The following RIMS2 variants were observed in gnomAD, a reference collection of about 807,000 sequenced individuals.
RIMS2 encodes regulating synaptic membrane exocytosis 2, also known as regulating synaptic membrane exocytosis protein 2.
RIMS2 carries 59 observed loss-of-function variants against 174.4 expected under a neutral mutation model. That is an observed-to-expected ratio of 0.34 (90% confidence interval 0.27 to 0.42). RIMS2 has a LOEUF of 0.42. Ranked by LOEUF, RIMS2 falls within the 10% of genes least tolerant of loss-of-function variation. RIMS2 has a pLI of 1.00. For synonymous variants in RIMS2, 606 were observed against 572.5 expected (o/e 1.06, Z -0.84); for missense variants, 1,620 against 1,666.3 (o/e 0.97, Z 0.48).
chr8:104,150,763 A>G (rs1039262575), intron 19 of RIMS2, among the ~76,000 whole-genome samples: 1 of 152,244 alleles, frequency 6.6e-6, no homozygotes. Flanking sequence ...ATCTCAGATC[A>G]TAATTATAGA....
intron 19 of RIMS2, among the ~76,000 whole-genome samples, chr8:104,079,435 G>C (rs990940283): frequency 4.0e-5 from 6 of 151,436 alleles, no homozygotes; most frequent in African/African-American, 1.5e-4. Context: ...CTTGTTAACA[G>C]CTAGAATATT....
chr8:103,639,268 A>C (rs1306567017), intron 1 of RIMS2, among the ~76,000 whole-genome samples: 1 of 151,920 alleles, frequency 6.6e-6, no homozygotes, highest in East Asian at 1.9e-4. Flanking sequence ...TTTTAAATAC[A>C]ATTTGATCAA....
Position 104,145,671 on chromosome 8 carries a change from C to CAATAAATAAATAAATAAATA in RIMS2, c.3335-99221_3335-99202dup, listed in dbSNP as rs61691382. The stretch of plus-strand genomic sequence containing the variant: ...AGAAACCCCGTCTCTACTAAAAATA[C>CAATAAATAAATAAATAAATA]AATAAATAAATAAATAAATAAATAA... On this transcript the variant is annotated intron_variant, in intron 19 of 23. Transcript: ENST00000504942. Among the ~76,000 whole-genome samples, 602 of 132,684 alleles carry CAATAAATAAATAAATAAATA rather than the reference C, an allele frequency of 4.5e-3. 2 individuals carry two copies. The highest frequency in any genetic ancestry group is 8.2e-3 in the African/African-American group (283 of 34,442). The allele number at this position is 132,684 out of a possible 152,430, so 87.0% of individuals were successfully genotyped here. A position where few individuals can be genotyped will look rare whatever the true frequency, so the allele number is the denominator to read the frequency against.
At chr8:104,106,446 A>G (rs985544605) in intron 19 of RIMS2, among the ~76,000 whole-genome samples, 3 of 145,486 alleles carry the variant, frequency 2.1e-5, no homozygotes, top group African/African-American at 7.9e-5. Context: ...GTTCATTATC[A>G]TTGATTAATA....
intron 19 of RIMS2, among the ~76,000 whole-genome samples, chr8:104,084,452 A>C (rs904006893): frequency 6.6e-6 from 1 of 151,420 alleles, no homozygotes; most frequent in Admixed American, 6.6e-5. Context: ...AAAAAAAAAA[A>C]AAAACTAAAG....
At chr8:103,900,415 G>T (rs750753284) in intron 4 of RIMS2, among the ~76,000 whole-genome samples, 1 of 148,632 alleles carries the variant, frequency 6.7e-6, no homozygotes, top group Non-Finnish European at 1.5e-5. Flanking sequence ...GTAAAGACAG[G>T]ATTTCACTGT....
chr8:104,135,219 G>A (rs538659131), intron 19 of RIMS2, among the ~76,000 whole-genome samples: 6 of 152,226 alleles, frequency 3.9e-5, no homozygotes, highest in African/African-American at 1.4e-4. Context: ...TTGTATGAGT[G>A]GGGAGAACAT....
At chr8:103,583,985 G>C (rs980869369) in intron 1 of RIMS2, among the ~76,000 whole-genome samples, 1 of 152,122 alleles carries the variant, frequency 6.6e-6, no homozygotes, top group Non-Finnish European at 1.5e-5. Context: ...AACTAAAGCA[G>C]TACTCCCTTT....
chr8:103,763,912 C>T (rs1591892136), intron 2 of RIMS2, among the ~76,000 whole-genome samples: 1 of 152,218 alleles, frequency 6.6e-6, no homozygotes, highest in Admixed American at 6.5e-5. Flanking sequence ...TACTTGTAAC[C>T]CATTTAACAT....
At chr8:104,251,903 T>C (rs995561884), downstream of RIMS2, 36 of 798,640 alleles carry the variant, frequency 4.5e-5, no homozygotes, top group Non-Finnish European at 7.4e-5. Flanking sequence ...CTGGTAACAC[T>C]GCATGCTTAA....
At chr8:103,721,790 A>G (rs2097452373) in intron 2 of RIMS2, among the ~76,000 whole-genome samples, 1 of 152,212 alleles carries the variant, frequency 6.6e-6, no homozygotes, top group Non-Finnish European at 1.5e-5. Context: ...ACCATCAGTG[A>G]GAGTTTATGA....
At position 103,737,453 on chromosome 8, in the gene RIMS2, C is replaced by T. The variant is rs535549001; in HGVS notation, c.388-28774C>T. On this transcript the variant is annotated intron_variant, in intron 2 of 23. Coordinates refer to ENST00000504942, the Ensembl canonical transcript of RIMS2. ...CCTCCCGCCTCAGCCTCACAAAATG[C>T]TGGGATTATAGGAGTGAACCACTGT... is the stretch of plus-strand genomic sequence containing the variant. Among the ~76,000 whole-genome samples, 7 of 152,182 alleles carry T rather than the reference C, an allele frequency of 4.6e-5. No individual in the cohort carries two copies. The East Asian group carries it at 1.3e-3, about 29-fold the overall frequency.
At chr8:104,249,442 G>A (rs2099351801) in intron 21 of RIMS2, 45 bp from the exon 28 acceptor site, 2 of 999,954 alleles carry the variant, frequency 2.0e-6, no homozygotes, top group Non-Finnish European at 1.6e-6. Flanking sequence ...TTTCCTTAGT[G>A]CATTTGTATA....
chr8:103,988,740 A>G (rs1196996885), intron 16 of RIMS2, among the ~76,000 whole-genome samples: 2 of 152,132 alleles, frequency 1.3e-5, no homozygotes, highest in African/African-American at 4.8e-5. Flanking sequence ...AATTACAAGC[A>G]TGAGCCACCA....
intron 1 of RIMS2, among the ~76,000 whole-genome samples, chr8:103,549,841 C>T (rs986686737): frequency 6.6e-6 from 1 of 152,110 alleles, no homozygotes; most frequent in African/African-American, 2.4e-5. Context: ...ATAAAACAGA[C>T]TTTAAACCCA....
intron 3 of RIMS2, among the ~76,000 whole-genome samples, chr8:103,872,416 C>G (rs75064457): frequency 6.6e-6 from 1 of 152,184 alleles, no homozygotes; most frequent in Non-Finnish European, 1.5e-5. Context: ...AGAGTTCTCA[C>G]TTGAGACAAG....
chr8:103,676,238 T>TC (rs945512345), intron 1 of RIMS2, among the ~76,000 whole-genome samples: 146 of 58,610 alleles, frequency 2.5e-3, no homozygotes, highest in African/African-American at 0.013. Flanking sequence ...CAAAAGGGTT[T>TC]TTATATAGAC....
chr8:104,003,458 G>T (rs2095464837), intron 17 of RIMS2, among the ~76,000 whole-genome samples: 3 of 151,290 alleles, frequency 2.0e-5, no homozygotes, highest in African/African-American at 7.3e-5. Flanking sequence ...CTGTCACCAG[G>T]CTGGAGTGCC....
intron 19 of RIMS2, among the ~76,000 whole-genome samples, chr8:104,036,519 A>T (rs1334029630): frequency 6.6e-6 from 1 of 152,082 alleles, no homozygotes; most frequent in Non-Finnish European, 1.5e-5. Flanking sequence ...AATGTATTAT[A>T]TGTTGGATTT....
Sources: allele counts gnomAD v4.1 joint callset (sites outside exome capture counted in the v4.1 genomes callset), GRCh38; gene constraint gnomAD v4.1.1; transcripts MANE v1.5; gene names NCBI Gene and HGNC (gene_info 2026-07-23, HGNC 2026-07-21).